Variants in SLC6A14 observed in about 807,000 individuals in gnomAD.
SLC6A14 encodes sodium- and chloride-dependent neutral and basic amino acid transporter B(0+).
SLC6A14 carries 21 observed loss-of-function variants against 51.4 expected under a neutral mutation model. That is an observed-to-expected ratio of 0.41 (90% CI 0.29 to 0.59). The LOEUF (loss-of-function observed/expected upper bound fraction) is 0.59, where lower values mean the gene tolerates loss of function less well. Ranked by LOEUF, SLC6A14 falls within the 20% of genes least tolerant of loss-of-function variation. The pLI is 0.31. For synonymous variants in SLC6A14, 177 were observed against 160.7 expected (o/e 1.10, Z -0.77); for missense variants, 371 against 472.8 (o/e 0.78, Z 2.00).
chrX:116,458,874 A>G lies in SLC6A14; in HGVS notation c.1848A>G (p.Glu616=). Residue 616 remains glutamate, a synonymous_variant, in exon 14 of 14, where the codon GAA becomes GAG. Coordinates refer to ENST00000598581, the MANE Select transcript of SLC6A14 (RefSeq NM_007231.5). ...CATACCTGGAACAACATCGTGGGGAAAGATATAAAGACATGGTAGATCCTA... is the reference window on the plus strand; with the variant it reads ...CATACCTGGAACAACATCGTGGGGAGAGATATAAAGACATGGTAGATCCTA... ...WGPYLEQHRG[E]RYKDMVDPKK... The G allele has an allele frequency of 8.3e-7, 1 of 1,203,768 alleles. No individual in the cohort carries two copies.
intron 3 of SLC6A14, among the ~76,000 whole-genome samples, chrX:116,441,631 A>T (rs1927599416): frequency 8.9e-6 from 1 of 111,992 alleles, no homozygotes; most frequent in South Asian, 3.6e-4. Context: ...ATTAAATATC[A>T]TTTTGGTATG....
At chrX:116,456,037 G>A (rs1927928016) in intron 12 of SLC6A14, among the ~76,000 whole-genome samples, 1 of 111,290 alleles carries the variant, frequency 9.0e-6, no homozygotes, top group Admixed American at 9.6e-5. Context: ...CTATTTAGAA[G>A]CTGAGGTAAA....
In SLC6A14 at chrX:116,460,009, A is replaced by C. The variant is rs1928011763; in HGVS notation, c.*1054A>C. ...CTAGTTTCCTTACCAAGGATAATTAAATATATCACTAAGAGCTTTATATAT... is the reference window on the plus strand; with the variant it reads ...CTAGTTTCCTTACCAAGGATAATTACATATATCACTAAGAGCTTTATATAT... On this transcript the variant is annotated 3_prime_UTR_variant, in exon 14 of 14. Coordinates refer to ENST00000598581, the MANE Select transcript of SLC6A14 (RefSeq NM_007231.5). 1 of 111,847 alleles carries C rather than the reference A, an allele frequency of 8.9e-6. No homozygotes were observed. The highest frequency in any genetic ancestry group is 3.7e-4 in the South Asian group (1 of 2,690). 9.2% of individuals were successfully genotyped at this position (111,847 alleles called of 1,213,427 possible).
chrX:116,449,334 A>G (rs1301612210), intron 7 of SLC6A14, among the ~76,000 whole-genome samples: 3 of 111,707 alleles, frequency 2.7e-5, no homozygotes, highest in African/African-American at 9.8e-5. Flanking sequence ...CTAGCTACAC[A>G]TCATGGTATT....
intron 13 of SLC6A14, 125 bp from the exon 14 acceptor site, chrX:116,458,684 T>C: frequency 1.7e-6 from 1 of 581,359 alleles, no homozygotes; most frequent in Non-Finnish European, 2.5e-6. Flanking sequence ...TTTAGTTTTC[T>C]ATGATGCTTA....
Position 116,436,680 on chromosome X carries a change from G to A in SLC6A14, c.-30G>A, listed in dbSNP as rs111883313. ...AAGCTCAGCCAGACTGCAAGAGGAG[G>A]CGAGGCGGAGCCAGCCGAGGGAGTG... On this transcript the variant is annotated 5_prime_UTR_variant, in exon 1 of 14. Transcript: ENST00000598581. 1,636 of 1,157,666 alleles carry A rather than the reference G, an allele frequency of 1.4e-3. 17 individuals are homozygous for A. In the African/African-American group the frequency reaches 0.026, roughly 18 times the overall value.
At position 116,458,897 on chromosome X, in the gene SLC6A14, C is replaced by G. The variant is rs1157048143; in HGVS notation, c.1871C>G (p.Pro624Arg). 1 of 1,201,477 alleles carries G rather than the reference C, an allele frequency of 8.3e-7. No homozygotes were observed. Among genetic ancestry groups the G allele is most frequent in the East Asian group, 3.0e-5 (1 of 33,405 alleles). ...RGERYKDMVDPKKEADHEIPT... is the reference protein window; with the variant it reads ...RGERYKDMVDRKKEADHEIPT... ...GAAAGATATAAAGACATGGTAGATC[C>G]TAAAAAAGAGGCTGACCATGAAATA... The change falls in exon 14 of 14, where the codon CCT (proline) becomes CGT (arginine). Residue 624 changes from proline to arginine, a missense_variant. Physicochemically the swap from Pro to Arg is moderately radical, Grantham distance 103. This residue lies in a region of SLC6A14 where 94 missense variants were observed against 81.0 expected (regional missense o/e 1.16). Coordinates refer to ENST00000598581, the MANE Select transcript of SLC6A14 (RefSeq NM_007231.5).
chrX:116,450,353 C>T (rs1461052493), intron 7 of SLC6A14, among the ~76,000 whole-genome samples: 1 of 111,307 alleles, frequency 9.0e-6, no homozygotes, highest in Admixed American at 9.6e-5. Flanking sequence ...AGGAATTTCA[C>T]AGAAAAAAAC....
chrX:116,447,447 C>A (rs12720083), intron 7 of SLC6A14, among the ~76,000 whole-genome samples: 50,803 of 110,586 alleles, frequency 0.46, 9,384 homozygotes, highest in East Asian at 0.68. Context: ...AATTGGGTAA[C>A]CCTATTTCAA....
chrX:116,438,672 C>A (rs1927533726), intron 2 of SLC6A14, among the ~76,000 whole-genome samples: 1 of 111,622 alleles, frequency 9.0e-6, no homozygotes, highest in Non-Finnish European at 1.9e-5. Flanking sequence ...ATGAATTGCA[C>A]AATTCTCTAG....
At chrX:116,458,124 C>T (rs1556694900) in intron 13 of SLC6A14, among the ~76,000 whole-genome samples, 1 of 111,402 alleles carries the variant, frequency 9.0e-6, no homozygotes, top group African/African-American at 3.3e-5. Flanking sequence ...AAGCAAATGA[C>T]CTGTTTGCTT....
chrX:116,437,053 G>C (rs1556693334), intron 1 of SLC6A14, among the ~76,000 whole-genome samples: 1 of 111,290 alleles, frequency 9.0e-6, no homozygotes, highest in Non-Finnish European at 1.9e-5. Flanking sequence ...AAAGTACACT[G>C]TTCTTAATTG....
chrX:116,440,836 C>A (rs146125950), intron 2 of SLC6A14, 130 bp from the exon 3 acceptor site: 13,843 of 653,676 alleles, frequency 0.021, 135 homozygotes, highest in Non-Finnish European at 0.027. Flanking sequence ...AAGCAGTGAA[C>A]TTTAGGCCCA....
chrX:116,449,815 AT>A (rs1447727993), intron 7 of SLC6A14, among the ~76,000 whole-genome samples: 1 of 111,995 alleles, frequency 8.9e-6, no homozygotes, highest in Non-Finnish European at 1.9e-5. Context: ...GGCAATGCAG[AT>A]CAATAAGGGA....
intron 12 of SLC6A14, among the ~76,000 whole-genome samples, chrX:116,457,336 T>G (rs782327388): frequency 8.9e-6 from 1 of 111,936 alleles, no homozygotes; most frequent in East Asian, 2.8e-4. Flanking sequence ...AGTATTTTAT[T>G]GAAATATATG....
At chrX:116,443,231 T>C (rs1927634876) in intron 4 of SLC6A14, among the ~76,000 whole-genome samples, 1 of 111,706 alleles carries the variant, frequency 9.0e-6, no homozygotes, top group Admixed American at 9.5e-5. Context: ...ACTATTACCA[T>C]TTTAATTACC....
chrX:116,454,075 C>G lies in SLC6A14; in HGVS notation c.1286-249C>G, dbSNP rs1446457099. Among the ~76,000 whole-genome samples, 4 of 110,894 alleles carry G rather than the reference C, an allele frequency of 3.6e-5. No individual in the cohort carries two copies. The East Asian group carries it at 1.1e-3, about 31-fold the overall frequency. On this transcript the variant is annotated intron_variant, in intron 9 of 13. Coordinates refer to ENST00000598581, the MANE Select transcript of SLC6A14 (RefSeq NM_007231.5). The stretch of plus-strand genomic sequence containing the variant: ...CAGTTCACAGGGGACTGTTACCTTA[C>G]AGTTGTTATCGATGAAAAATCATAT...
Position 116,457,002 on chromosome X carries a change from G to GT in SLC6A14, c.1615-601dup, listed in dbSNP as rs1395852901. 1.9e-4 allele frequency among the ~76,000 whole-genome samples: 21 copies of GT among 111,530 alleles called. No individual in the cohort carries two copies. The South Asian group carries it at 2.2e-3, about 12-fold the overall frequency. On this transcript the variant is annotated intron_variant, in intron 12 of 13. Transcript: ENST00000598581. ...GCAGATATTGAGGGTTTTTTTGTTT[G>GT]TTTTTTGTTTTTCCCTCAGTAAGAT...
intron 12 of SLC6A14, among the ~76,000 whole-genome samples, chrX:116,456,559 G>A (rs1368562175): frequency 9.0e-6 from 1 of 110,947 alleles, no homozygotes; most frequent in Non-Finnish European, 1.9e-5. Context: ...GATTACATAA[G>A]TTTGACACCT....
Sources: gnomAD v4.1 joint callset for allele counts (sites outside exome capture counted in the v4.1 genomes callset) on GRCh38, gnomAD v4.1.1 for gene constraint, gnomAD v4.1.1 regional missense constraint, MANE v1.5 for transcripts, NCBI Gene and HGNC (gene_info 2026-07-23, HGNC 2026-07-21) for gene names.